Variants in STXBP4 observed in about 807,000 individuals in gnomAD.
STXBP4 encodes syntaxin-binding protein 4.
STXBP4 carries 55 observed loss-of-function variants against 76.1 expected under a neutral mutation model. The observed-to-expected ratio is 0.72, with a 90% CI of 0.58 to 0.91. The LOEUF (loss-of-function observed/expected upper bound fraction) is 0.91, where lower values mean the gene tolerates loss of function less well. Ranked by LOEUF, STXBP4 falls within the 40% of genes least tolerant of loss-of-function variation. The pLI is 0.00. For synonymous variants in STXBP4, 201 were observed against 220.2 expected (o/e 0.91, Z 0.77); for missense variants, 618 against 636.9 (o/e 0.97, Z 0.32).
At chr17:55,185,356 CCTCCTT>C in the STXBP4 span, among the ~76,000 whole-genome samples, 11 of 147,064 alleles carry the variant, frequency 7.5e-5, no homozygotes, top group African/African-American at 1.3e-4. Flanking sequence ...TCCTTCTCCT[CCTCCTT>C]CTCCTTCTTC....
chr17:54,980,506 G>A lies in STXBP4; in HGVS notation c.-156-5108G>A, dbSNP rs190513687. On this transcript the variant is annotated intron_variant, in intron 1 of 17. Transcript: ENST00000376352. ...TGAAAGTACTCTCCACAGAGTGGAA[G>A]CAGGCTGCAGCAAGTGGCTCAAGAG... Among the ~76,000 whole-genome samples the A allele has an allele frequency of 5.9e-5, 9 of 152,312 alleles. No homozygotes were observed. The East Asian group carries it at 1.7e-3, about 29-fold the overall frequency.
intron 12 of STXBP4, among the ~76,000 whole-genome samples, chr17:55,054,234 C>T (rs1360773642): frequency 1.3e-5 from 2 of 152,124 alleles, no homozygotes; most frequent in African/African-American, 4.8e-5. Flanking sequence ...CGCCTATAAT[C>T]CCAGCACTTT....
chr17:55,097,463 A>G (rs988145602), intron 16 of STXBP4, among the ~76,000 whole-genome samples: 2 of 152,182 alleles, frequency 1.3e-5, no homozygotes, highest in Non-Finnish European at 2.9e-5. Flanking sequence ...GGAGATCGAG[A>G]CCATCCTGGC....
chr17:55,145,507 C>T (rs865992398), intron 17 of STXBP4, among the ~76,000 whole-genome samples: 17 of 152,234 alleles, frequency 1.1e-4, no homozygotes, highest in African/African-American at 4.1e-4. Context: ...AAGGGAATAA[C>T]TGTCAGTGGT....
chr17:55,001,967 C>G (rs2077927366), intron 7 of STXBP4, among the ~76,000 whole-genome samples: 1 of 152,194 alleles, frequency 6.6e-6, no homozygotes, highest in Admixed American at 6.5e-5. Flanking sequence ...GGAGTTTATA[C>G]TATATTCCAC....
At chr17:55,014,091 T>G (rs186320109) in intron 8 of STXBP4, among the ~76,000 whole-genome samples, 15 of 152,324 alleles carry the variant, frequency 9.8e-5, no homozygotes, top group Admixed American at 9.8e-4. Context: ...GCAGGGCTGT[T>G]GCATGGTTTT....
At chr17:55,091,776 C>T (rs1429862622) in intron 16 of STXBP4, among the ~76,000 whole-genome samples, 2 of 151,714 alleles carry the variant, frequency 1.3e-5, no homozygotes, top group Non-Finnish European at 2.9e-5. Flanking sequence ...GAATTGTGAC[C>T]AGAATAGTGA....
chr17:55,020,447 CTGTT>C (rs71905117), intron 8 of STXBP4, among the ~76,000 whole-genome samples: 53,932 of 151,574 alleles, frequency 0.36, 10,507 homozygotes, highest in East Asian at 0.53. Context: ...GCTGTCAAAT[CTGTT>C]TGTTTGTTTG....
chr17:55,180,326 T>C, the STXBP4 span, among the ~76,000 whole-genome samples: 2 of 152,220 alleles, frequency 1.3e-5, no homozygotes, highest in Non-Finnish European at 2.9e-5. Context: ...AAGATGCCAT[T>C]TGTTCTTCTT....
At chr17:54,978,343 A>ATATGTACTATGTAC (rs1225947574) in intron 1 of STXBP4, among the ~76,000 whole-genome samples, 273 of 80,594 alleles carry the variant, frequency 3.4e-3, no homozygotes, top group African/African-American at 0.014. Flanking sequence ...AACATGAAAT[A>ATATGTACTATGTAC]TATGTACTAT....
intron 4 of STXBP4, among the ~76,000 whole-genome samples, chr17:54,997,913 C>T (rs1165437146): frequency 6.6e-6 from 1 of 151,732 alleles, no homozygotes. Flanking sequence ...ATTAAGTTGA[C>T]TCTTTTGGCT....
intron 16 of STXBP4, among the ~76,000 whole-genome samples, chr17:55,118,543 C>T (rs1485248260): frequency 6.8e-6 from 1 of 147,420 alleles, no homozygotes; most frequent in Non-Finnish European, 1.5e-5. Flanking sequence ...CTATACCAGT[C>T]TGGAGTCAAA....
chr17:55,125,291 T>C (rs1011153429), intron 16 of STXBP4, among the ~76,000 whole-genome samples: 5 of 152,048 alleles, frequency 3.3e-5, no homozygotes, highest in African/African-American at 9.7e-5. Context: ...ATTGACTCTA[T>C]GGCAAAGCTC....
the STXBP4 span, among the ~76,000 whole-genome samples, chr17:55,208,554 C>G: frequency 0.049 from 1,331 of 27,140 alleles, 31 homozygotes; most frequent in African/African-American, 0.12. Flanking sequence ...AGGAAGGAAG[C>G]AAGGAAGGAA....
At chr17:54,990,519 A>C (rs1337637720) in intron 3 of STXBP4, among the ~76,000 whole-genome samples, 1 of 152,162 alleles carries the variant, frequency 6.6e-6, no homozygotes, top group East Asian at 1.9e-4. Context: ...AAACAAGCTC[A>C]GGGCTCCCCC....
intron 9 of STXBP4, among the ~76,000 whole-genome samples, chr17:55,033,913 A>G (rs1336314230): frequency 6.6e-6 from 1 of 152,192 alleles, no homozygotes; most frequent in East Asian, 1.9e-4. Context: ...GGGTTGAAAA[A>G]CTATAGGTCC....
At chr17:55,077,130 A>G (rs1006579039) in intron 13 of STXBP4, among the ~76,000 whole-genome samples, 2 of 152,128 alleles carry the variant, frequency 1.3e-5, no homozygotes, top group African/African-American at 4.8e-5. Context: ...TAGATCTGAT[A>G]CTGTACTTTA....
chr17:55,036,066 T>C (rs1442190221), intron 10 of STXBP4, among the ~76,000 whole-genome samples: 1 of 152,042 alleles, frequency 6.6e-6, no homozygotes, highest in Non-Finnish European at 1.5e-5. Context: ...AATACATCGT[T>C]ATTAACTGTA....
rs1340117074 is a variant in STXBP4 at position 55,166,597 on chromosome 17, G to C, written c.*6686G>C. 1 of 152,182 alleles carries C rather than the reference G, an allele frequency of 6.6e-6. No homozygotes were observed. Among genetic ancestry groups the C allele is most frequent in the East Asian group, 1.9e-4 (1 of 5,196 alleles). The allele number at this position is 152,182 out of a possible 1,614,324, so 9.4% of individuals were successfully genotyped here. A position where few individuals can be genotyped will look rare whatever the true frequency, so the allele number is the denominator to read the frequency against. ...ATTTCTTCTCATACATCAAGATTCT[G>C]CTCTCATTTTACCTCTTCTTTGAAG... On this transcript the variant is annotated 3_prime_UTR_variant, in exon 18 of 18. Coordinates refer to ENST00000376352, the MANE Select transcript of STXBP4 (RefSeq NM_178509.6).
Sources: gnomAD v4.1 joint callset for allele counts (sites outside exome capture counted in the v4.1 genomes callset) on GRCh38, gnomAD v4.1.1 for gene constraint, MANE v1.5 for transcripts, NCBI Gene and HGNC (gene_info 2026-07-23, HGNC 2026-07-21) for gene names.